The following TRPA1 variants were observed in gnomAD, a reference collection of about 807,000 sequenced individuals.
The protein encoded by TRPA1 is transient receptor potential cation channel subfamily A member 1, also known as ankyrin-like with transmembrane domains 1.
A neutral mutation model predicts 131.3 loss-of-function variants in TRPA1; 129 were observed. The ratio of observed to expected loss-of-function variants is 0.98; its 90% CI spans 0.85 to 1.14. The LOEUF (loss-of-function observed/expected upper bound fraction) is 1.14, where lower values mean the gene tolerates loss of function less well. TRPA1 is among the 50% of genes most tolerant of loss of function. The pLI is 0.00. For missense variants in TRPA1, 1,304 were observed against 1,354.2 expected, an observed-to-expected ratio of 0.96 and a Z score of 0.58; for synonymous variants, 441 against 451.7, an observed-to-expected ratio of 0.98 and a Z score of 0.30.
At position 72,033,646 on chromosome 8, in the gene TRPA1, G is replaced by A; in HGVS notation, c.2866C>T (p.Leu956Phe). 1 of 1,612,970 alleles carries A rather than the reference G, an allele frequency of 6.2e-7. No homozygotes were observed. Among genetic ancestry groups the A allele is most frequent in the Non-Finnish European group, 8.5e-7 (1 of 1,179,288 alleles). The change falls in exon 23 of 27, where the codon CTT (leucine) becomes TTT (phenylalanine). Residue 956 changes from leucine to phenylalanine, a missense_variant and splice_region_variant. By Grantham distance (22) the Leu-to-Phe change is conservative. Coordinates refer to ENST00000262209, the MANE Select transcript of TRPA1 (RefSeq NM_007332.3). Reference sequence around the variant, plus strand: ...AAATATAAGAAAAAACTACTTACAAGTAAATTCATGAGGACAATTGGGACA... The same window carrying A: ...AAATATAAGAAAAAACTACTTACAAATAAATTCATGAGGACAATTGGGACA... ...IFVPIVLMNL[L>F]IGLAVGDIAE...
In TRPA1 at chr8:72,021,728, C is replaced by A. The variant is rs1413319536; in HGVS notation, c.*1178G>T. The A allele has an allele frequency of 2.6e-5, 4 of 151,914 alleles. No individual in the cohort carries two copies. Among genetic ancestry groups the A allele is most frequent in the Non-Finnish European group, 5.9e-5 (4 of 67,982 alleles). 9.4% of individuals were successfully genotyped at this position (151,914 alleles called of 1,614,324 possible). On this transcript the variant is annotated 3_prime_UTR_variant, in exon 27 of 27. Coordinates refer to ENST00000262209, the MANE Select transcript of TRPA1 (RefSeq NM_007332.3). ...TGGGTGCACACAATGAAATAGTAAG[C>A]CACACCAAAGGCCCCGTACTAGATG...
Position 72,061,747 on chromosome 8 carries a change from T to C in TRPA1, c.822A>G (p.Thr274=), listed in dbSNP as rs778161993. Residue 274 remains threonine, a synonymous_variant, in exon 7 of 27, where the codon ACA becomes ACG. Transcript: ENST00000262209. ...CCTGGGTGGCAGCAAAATGAATGGC[T>C]GTGCACCTTCCCTTCTGTAAAGGGT... The part of the protein sequence containing the change: ...QIDPVEKGRC[T]AIHFAATQGA... 6.2e-6 allele frequency: 10 copies of C among 1,614,016 alleles called. No homozygotes were observed. The highest frequency in any genetic ancestry group is 8.5e-6 in the Non-Finnish European group (10 of 1,179,920).
chr8:72,022,885 C>A lies in TRPA1; in HGVS notation c.*21G>T, dbSNP rs745724073. 2 of 1,610,166 alleles carry A rather than the reference C, an allele frequency of 1.2e-6. No homozygotes were observed. Among genetic ancestry groups the A allele is most frequent in the Admixed American group, 3.3e-5 (2 of 59,912 alleles). On this transcript the variant is annotated 3_prime_UTR_variant, in exon 27 of 27. Coordinates refer to ENST00000262209, the MANE Select transcript of TRPA1 (RefSeq NM_007332.3). ...CAAGTCATGCACCCCCCATTAGAAG[C>A]CTCACTGAAGGTCTGAGGAGCTAAG...
chr8:72,050,266 G>A (rs533952464), intron 15 of TRPA1, among the ~76,000 whole-genome samples: 5 of 152,248 alleles, frequency 3.3e-5, no homozygotes, highest in African/African-American at 1.2e-4. Context: ...TTAAATAGGA[G>A]AGTGATTGTC....
Position 72,046,520 on chromosome 8 carries a change from G to A in TRPA1, c.2054C>T (p.Ala685Val). ...TGAAAACATTGAACTTACGTTGAGG[G>A]CTGTAAGCGGTTCATATATAACATC... ...TQDVIYEPLT[A>V]LNAMVQNNRI... is the part of the protein sequence containing the mutation. Residue 685 changes from alanine (A) to valine (V), a missense_variant, in exon 17 of 27, where the codon GCC (alanine) becomes GTC (valine). Ala to Val is a moderately conservative substitution (Grantham distance 64, BLOSUM62 0). Transcript: ENST00000262209. 1.3e-6 allele frequency: 2 copies of A among 1,570,492 alleles called. No homozygotes were observed. The highest frequency in any genetic ancestry group is 1.7e-6 in the Non-Finnish European group (2 of 1,145,952).
At position 72,022,747 on chromosome 8, in the gene TRPA1, A is replaced by T. The variant is rs969150755; in HGVS notation, c.*159T>A. 2.8e-6 allele frequency: 2 copies of T among 715,428 alleles called. No individual in the cohort carries two copies. Among genetic ancestry groups the T allele is most frequent in the Non-Finnish European group, 4.9e-6 (2 of 406,958 alleles). The allele number at this position is 715,428 out of a possible 1,614,324, so 44.3% of individuals were successfully genotyped here. ...AGTGATTGGTAGAAAATATGAATAG[A>T]GGATAAAAGATGGTTTACTTTTATA... On this transcript the variant is annotated 3_prime_UTR_variant, in exon 27 of 27. Coordinates refer to ENST00000262209, the MANE Select transcript of TRPA1 (RefSeq NM_007332.3).
At position 72,075,357 on chromosome 8, in the gene TRPA1, T is replaced by C; in HGVS notation, c.53A>G (p.Gln18Arg). The C allele has an allele frequency of 6.2e-7, 1 of 1,612,546 alleles. No homozygotes were observed. The highest frequency in any genetic ancestry group is 8.5e-7 in the Non-Finnish European group (1 of 1,179,848). ...CGGCACATCCTCATAGACAACGCCC[T>C]GGGGCTCCTTCTTTTCTCCAGGGCG... The part of the protein sequence containing the change: ...MWRPGEKKEP[Q>R]GVVYEDVPDD... The change falls in exon 1 of 27, where the codon CAG becomes CGG. Residue 18 changes from glutamine (Q) to arginine (R), a missense_variant. By Grantham distance (43) the Gln-to-Arg change is conservative. Coordinates refer to ENST00000262209, the MANE Select transcript of TRPA1 (RefSeq NM_007332.3).
intron 21 of TRPA1, among the ~76,000 whole-genome samples, chr8:72,034,792 C>T (rs1040441559): frequency 6.6e-6 from 1 of 152,174 alleles, no homozygotes; most frequent in Non-Finnish European, 1.5e-5. Flanking sequence ...ATCAGCCTGC[C>T]TCGGCTTCCC....
At chr8:72,043,454 A>T (rs1360330824) in intron 17 of TRPA1, among the ~76,000 whole-genome samples, 1 of 151,818 alleles carries the variant, frequency 6.6e-6, no homozygotes, top group Admixed American at 6.6e-5. Flanking sequence ...GTTTATTAAG[A>T]CCTTCCCTTA....
chr8:72,083,562 T>C, the TRPA1 span, among the ~76,000 whole-genome samples: 1 of 150,426 alleles, frequency 6.6e-6, no homozygotes, highest in South Asian at 2.1e-4. Flanking sequence ...GTGAAACCCC[T>C]TCTCTACTAA....
chr8:72,052,994 T>TGTGTGTGTGTGTGTGTGATAGA (rs1491537785), intron 13 of TRPA1: 15 of 331,352 alleles, frequency 4.5e-5, no homozygotes, highest in Admixed American at 4.4e-4. Flanking sequence ...TGTGTGTGTG[T>TGTGTGTGTGTGTGTGTGATAGA]GAGAGATAGA....
At chr8:72,076,450 GA>G (rs761496765), upstream of TRPA1, 7 of 152,278 alleles carry the variant, frequency 4.6e-5, no homozygotes. Flanking sequence ...TAGAACGCAA[GA>G]AACCTTTCTA....
At chr8:72,045,586 C>T (rs941784581) in intron 17 of TRPA1, among the ~76,000 whole-genome samples, 1 of 149,044 alleles carries the variant, frequency 6.7e-6, no homozygotes, top group African/African-American at 2.5e-5. Context: ...CAAATCTAGA[C>T]CAAAATTTGC....
At chr8:72,082,083 A>G in the TRPA1 span, among the ~76,000 whole-genome samples, 1 of 151,854 alleles carries the variant, frequency 6.6e-6, no homozygotes, top group Non-Finnish European at 1.5e-5. Flanking sequence ...TTTGTATCCA[A>G]CAATTGTCTT....
At chr8:72,055,239 CTT>C in intron 12 of TRPA1, 195 bp downstream of exon 12, 1 of 584,528 alleles carries the variant, frequency 1.7e-6, no homozygotes, top group Non-Finnish European at 3.0e-6. Context: ...ACTTCAAAGT[CTT>C]TGTCAGTTGG....
chr8:72,027,115 T>C (rs1011147301), intron 24 of TRPA1, among the ~76,000 whole-genome samples: 2 of 152,206 alleles, frequency 1.3e-5, no homozygotes, highest in Non-Finnish European at 2.9e-5. Flanking sequence ...TCCCCTTTGC[T>C]CTTTAGGGTG....
rs1585838486 is a variant in TRPA1 at position 72,030,085 on chromosome 8, G to T, written c.2869-116C>A. ...GACAAAATATTTTAGTCTGGGTAGT[G>T]TATAAATAGCATAAGTTAATTGCTT... On this transcript the variant is annotated intron_variant, in intron 23 of 26. Transcript: ENST00000262209. 23 of 955,270 alleles carry T rather than the reference G, an allele frequency of 2.4e-5. No homozygotes were observed. In the South Asian group the frequency reaches 3.1e-4, roughly 13 times the overall value. 59.2% of individuals were successfully genotyped at this position (955,270 alleles called of 1,614,324 possible). A position where few individuals can be genotyped will look rare whatever the true frequency, so the allele number is the denominator to read the frequency against.
chr8:72,030,694 A>T (rs1335961411), intron 23 of TRPA1, among the ~76,000 whole-genome samples: 1 of 152,254 alleles, frequency 6.6e-6, no homozygotes, highest in Non-Finnish European at 1.5e-5. Flanking sequence ...CCAGGAGTTT[A>T]GTAACTAAGG....
At chr8:72,082,050 C>G in the TRPA1 span, among the ~76,000 whole-genome samples, 1 of 151,842 alleles carries the variant, frequency 6.6e-6, no homozygotes, top group Non-Finnish European at 1.5e-5. Flanking sequence ...TTCTTTCACT[C>G]TGTTTTTTCT....
Sources: gnomAD v4.1 joint callset for allele counts (sites outside exome capture counted in the v4.1 genomes callset) on GRCh38, gnomAD v4.1.1 for gene constraint, MANE v1.5 for transcripts, NCBI Gene and HGNC (gene_info 2026-07-23, HGNC 2026-07-21) for gene names.